The following LUC7L variants were observed in gnomAD, a reference collection of about 807,000 sequenced individuals.
The protein encoded by LUC7L is putative RNA-binding protein Luc7-like 1.
A neutral mutation model predicts 51.1 loss-of-function variants in LUC7L; 29 were observed. That is an observed-to-expected ratio of 0.57 (90% confidence interval 0.42 to 0.77). LUC7L has a LOEUF of 0.77. LUC7L is among the 30% of genes least tolerant of loss of function. The pLI, the probability that LUC7L is intolerant of heterozygous loss-of-function variation, is 0.00. For synonymous variants in LUC7L, 181 were observed against 180.7 expected, an observed-to-expected ratio of 1.00 and a Z score of -0.01; for missense variants, 403 against 511.9, an observed-to-expected ratio of 0.79 and a Z score of 2.05.
At chr16:217,297 G>C (rs963099451) in intron 3 of LUC7L, among the ~76,000 whole-genome samples, 2 of 152,104 alleles carry the variant, frequency 1.3e-5, no homozygotes, top group Non-Finnish European at 2.9e-5. Flanking sequence ...AATTACAGCT[G>C]TAAGCCACTG....
intron 7 of LUC7L, among the ~76,000 whole-genome samples, chr16:191,121 C>T (rs1468659048): frequency 6.6e-6 from 1 of 152,180 alleles, no homozygotes; most frequent in Non-Finnish European, 1.5e-5. Context: ...TCAGACGCAG[C>T]CCTGTAACAT....
At chr16:210,554 G>A (rs1199299572) in intron 3 of LUC7L, among the ~76,000 whole-genome samples, 1 of 152,110 alleles carries the variant, frequency 6.6e-6, no homozygotes, top group Non-Finnish European at 1.5e-5. Context: ...AGATGCTCCA[G>A]GTTCACCCAC....
chr16:228,286 G>C, intron 1 of LUC7L: 1 of 1,301,554 alleles, frequency 7.7e-7, no homozygotes, highest in Non-Finnish European at 1.0e-6. Context: ...GTGAAAAAAA[G>C]CAAACACTTT....
At chr16:214,097 T>G (rs550559999) in intron 3 of LUC7L, among the ~76,000 whole-genome samples, 8 of 152,120 alleles carry the variant, frequency 5.3e-5, no homozygotes, top group Admixed American at 2.6e-4. Context: ...AAATGGAGTC[T>G]TGCTCTGTCG....
At chr16:220,399 AT>A (rs1282016123) in intron 3 of LUC7L, 18 of 401,276 alleles carry the variant, frequency 4.5e-5, no homozygotes, top group Non-Finnish European at 7.6e-5. Context: ...TCAAGGACTC[AT>A]AAAAATGTAA....
At chr16:215,346 C>T (rs1159298397) in intron 3 of LUC7L, among the ~76,000 whole-genome samples, 3 of 151,218 alleles carry the variant, frequency 2.0e-5, no homozygotes, top group African/African-American at 4.9e-5. Flanking sequence ...TTGGGCCGGG[C>T]GCGGTGGCTC....
At chr16:218,550 A>T (rs948781457) in intron 3 of LUC7L, among the ~76,000 whole-genome samples, 21 of 152,188 alleles carry the variant, frequency 1.4e-4, no homozygotes, top group Middle Eastern at 3.4e-3. Flanking sequence ...GCGAAACCAC[A>T]TCTCTACTAA....
chr16:199,428 G>A (rs1449759397), intron 5 of LUC7L, among the ~76,000 whole-genome samples, 190 bp from the exon 6 acceptor site: 2 of 152,160 alleles, frequency 1.3e-5, no homozygotes, highest in African/African-American at 4.8e-5. Context: ...ACGCGGCCAG[G>A]CACGGTCCCA....
chr16:210,571 G>A (rs1461271721), intron 3 of LUC7L, among the ~76,000 whole-genome samples: 1 of 152,090 alleles, frequency 6.6e-6, no homozygotes, highest in Non-Finnish European at 1.5e-5. Flanking sequence ...CCACACAGTG[G>A]CCCTGTACTG....
chr16:228,831 G>C (rs2050192526), intron 1 of LUC7L: 1 of 1,293,476 alleles, frequency 7.7e-7, no homozygotes. Flanking sequence ...CAATGGTACA[G>C]AACCAGAGCG....
At chr16:207,779 G>C (rs1241977857) in intron 4 of LUC7L, among the ~76,000 whole-genome samples, 1 of 152,184 alleles carries the variant, frequency 6.6e-6, no homozygotes, top group South Asian at 2.1e-4. Context: ...GGAGGCTGAG[G>C]CAGGCAGATC....
At position 213,010 on chromosome 16, in the gene LUC7L, G is replaced by T. The variant is rs989212505; in HGVS notation, c.256-4822C>A. ...AATTCCTGGGCTCAAGCAATCTTCC[G>T]GCCTCTGCCTCCCACCAAAGTACTG... On this transcript the variant is annotated intron_variant, in intron 3 of 9. Transcript: ENST00000293872. 3.9e-5 allele frequency among the ~76,000 whole-genome samples: 6 copies of T among 152,016 alleles called. No individual in the cohort carries two copies. In the East Asian group the frequency reaches 1.2e-3, roughly 29 times the overall value.
At chr16:218,008 AG>A (rs1325398179) in intron 3 of LUC7L, among the ~76,000 whole-genome samples, 7 of 148,830 alleles carry the variant, frequency 4.7e-5, no homozygotes, top group Non-Finnish European at 1.0e-4. Context: ...CTGGGCGACA[AG>A]AGCAAAACTA....
chr16:229,020 A>T, intron 1 of LUC7L: 1 of 1,450,350 alleles, frequency 6.9e-7, no homozygotes, highest in Non-Finnish European at 9.1e-7. Context: ...AGGAAGTAGC[A>T]GGACGGTACA....
At position 208,750 on chromosome 16, in the gene LUC7L, T is replaced by C. The variant is rs769986287; in HGVS notation, c.256-562A>G. The stretch of plus-strand genomic sequence containing the variant: ...CTACTATCTAAAGTAGCAGGAAAAA[T>C]TGGTTGCTATTTACCCAAAGAGATA... On this transcript the variant is annotated intron_variant, in intron 3 of 9. Coordinates refer to ENST00000293872, the MANE Select transcript of LUC7L (RefSeq NM_201412.3). 2.7e-5 allele frequency: 12 copies of C among 446,882 alleles called. No individual in the cohort carries two copies. The South Asian group carries it at 5.6e-4, about 21-fold the overall frequency. 27.7% of individuals were successfully genotyped at this position (446,882 alleles called of 1,614,324 possible).
At chr16:224,587 T>C (rs1274788737) in intron 2 of LUC7L, among the ~76,000 whole-genome samples, 3 of 151,596 alleles carry the variant, frequency 2.0e-5, no homozygotes, top group Non-Finnish European at 2.9e-5. Context: ...CCCAGCACTT[T>C]GGGAGGCAGA....
chr16:200,975 G>A (rs1257863571), intron 5 of LUC7L, among the ~76,000 whole-genome samples: 1 of 151,706 alleles, frequency 6.6e-6, no homozygotes, highest in Non-Finnish European at 1.5e-5. Flanking sequence ...ACAAGGTCAG[G>A]AGTCCGAGAA....
intron 7 of LUC7L, among the ~76,000 whole-genome samples, chr16:191,956 C>T (rs1596591527): frequency 6.6e-6 from 1 of 152,156 alleles, no homozygotes; most frequent in African/African-American, 2.4e-5. Flanking sequence ...GATGTGGATA[C>T]TTCTGGCTCC....
chr16:222,628 CCT>C (rs548492936), intron 2 of LUC7L, among the ~76,000 whole-genome samples: 14 of 151,856 alleles, frequency 9.2e-5, no homozygotes, highest in South Asian at 8.3e-4. Context: ...AACAGAGACC[CCT>C]GTCTTTTTAA....
Sources: gnomAD v4.1 joint callset for allele counts (sites outside exome capture counted in the v4.1 genomes callset) on GRCh38, gnomAD v4.1.1 for gene constraint, MANE v1.5 for transcripts, NCBI Gene and HGNC (gene_info 2026-07-23, HGNC 2026-07-21) for gene names.